The following RYR3 variants were observed in gnomAD, a reference collection of about 807,000 sequenced individuals.
The protein encoded by RYR3 is brain ryanodine receptor-calcium release channel.
Under a neutral mutation model 584.3 loss-of-function variants are expected in RYR3, and 207 were observed. The ratio of observed to expected loss-of-function variants is 0.35; its 90% CI spans 0.32 to 0.40. The LOEUF is 0.40. Among genes scored for constraint, RYR3 ranks in the 10% least tolerant of loss-of-function variants. RYR3 has a pLI of 1.00. For synonymous variants in RYR3, 2,416 were observed against 2,248.5 expected, an observed-to-expected ratio of 1.07 and a Z score of -2.11; for missense variants, 5,616 against 6,089.2, an observed-to-expected ratio of 0.92 and a Z score of 2.59.
intron 1 of RYR3, among the ~76,000 whole-genome samples, chr15:33,429,055 T>C (rs1027778744): frequency 6.6e-6 from 1 of 152,162 alleles, no homozygotes; most frequent in Non-Finnish European, 1.5e-5. Context: ...CTTTGTTTAG[T>C]GGGCGGGCAC....
In RYR3 at chr15:33,504,912, A is replaced by G. The variant is rs1162750797; in HGVS notation, c.279+1174A>G. 2.0e-5 allele frequency among the ~76,000 whole-genome samples: 3 copies of G among 152,146 alleles called. No individual in the cohort carries two copies. The East Asian group carries it at 5.8e-4, about 29-fold the overall frequency. On this transcript the variant is annotated intron_variant, in intron 3 of 103. Coordinates refer to ENST00000634891, the MANE Select transcript of RYR3 (RefSeq NM_001036.6). Reference sequence around the variant, plus strand: ...TACGTATCCTTCAAGGAACTAGTTTAGTTATTAGATGAGTTGAGAAGCCTC... The same window carrying G: ...TACGTATCCTTCAAGGAACTAGTTTGGTTATTAGATGAGTTGAGAAGCCTC...
rs947773003 is a variant in RYR3, at chr15:33,539,414, A to C, written c.498A>C (p.Arg166=). ...SKQRSEGEKV[R]IGDDLILVSV... is the part of the protein sequence containing the mutation. ...AGAGGTCCGAAGGAGAGAAAGTTCG[A>C]ATTGGCGATGACCTCATCCTCGTCA... The change falls in exon 6 of 104, where the codon CGA becomes CGC. Residue 166 remains arginine (R), a synonymous_variant. Coordinates refer to ENST00000634891, the MANE Select transcript of RYR3 (RefSeq NM_001036.6). The C allele has an allele frequency of 4.4e-6, 7 of 1,603,498 alleles. No homozygotes were observed. The highest frequency in any genetic ancestry group is 6.0e-6 in the Non-Finnish European group (7 of 1,174,672).
chr15:33,806,675 G>C (rs1038085229), intron 69 of RYR3, among the ~76,000 whole-genome samples: 1 of 152,010 alleles, frequency 6.6e-6, no homozygotes, highest in African/African-American at 2.4e-5. Flanking sequence ...GAAGGGAAAC[G>C]CTCCATCTTT....
chr15:33,539,248 T>C lies in RYR3; in HGVS notation c.434-102T>C, dbSNP rs1227856284. On this transcript the variant is annotated intron_variant, in intron 5 of 103. Transcript: ENST00000634891. ...TGAGGTCTGGAATGTGCACTTGTTGTGTGCACGTGAAGGGTTGTCCTAAGA... is the reference window on the plus strand; with the variant it reads ...TGAGGTCTGGAATGTGCACTTGTTGCGTGCACGTGAAGGGTTGTCCTAAGA... The C allele has an allele frequency of 5.7e-6, 4 of 697,520 alleles. No homozygotes were observed. The East Asian group carries it at 1.1e-4, about 19-fold the overall frequency. The allele number at this position is 697,520 out of a possible 1,614,324, so 43.2% of individuals were successfully genotyped here. A position where few individuals can be genotyped will look rare whatever the true frequency, so the allele number is the denominator to read the frequency against.
intron 67 of RYR3, among the ~76,000 whole-genome samples, chr15:33,795,750 C>T (rs1172129882): frequency 1.3e-5 from 2 of 151,954 alleles, no homozygotes; most frequent in African/African-American, 2.4e-5. Flanking sequence ...AGGCTGGTCT[C>T]GAACTCGTGA....
chr15:33,744,261 T>A (rs547905106), intron 52 of RYR3, among the ~76,000 whole-genome samples: 13 of 152,306 alleles, frequency 8.5e-5, no homozygotes, highest in African/African-American at 2.9e-4. Context: ...CATAGTACTT[T>A]CGTAGCACGC....
At chr15:33,319,041 C>G (rs542627342) in intron 1 of RYR3, among the ~76,000 whole-genome samples, 1 of 152,316 alleles carries the variant, frequency 6.6e-6, no homozygotes, top group South Asian at 2.1e-4. Context: ...AAAGCTCTTA[C>G]TGGAAGGTAA....
At chr15:33,769,244 C>A in intron 62 of RYR3, 72 bp downstream of exon 62, 1 of 1,127,612 alleles carries the variant, frequency 8.9e-7, no homozygotes, top group Non-Finnish European at 1.3e-6. Context: ...ACTAATTATA[C>A]TGAAGAGAAG....
chr15:33,480,286 TG>T (rs1354343083), intron 2 of RYR3, among the ~76,000 whole-genome samples: 1 of 152,220 alleles, frequency 6.6e-6, no homozygotes, highest in Non-Finnish European at 1.5e-5. Flanking sequence ...ATGACTTTAC[TG>T]CTCTCTGCCT....
At chr15:33,379,643 A>ATGTGTGTG (rs147989530) in intron 1 of RYR3, among the ~76,000 whole-genome samples, 1 of 133,204 alleles carries the variant, frequency 7.5e-6, no homozygotes. Flanking sequence ...ATTTATGTGT[A>ATGTGTGTG]TGTGTGTGTG....
chr15:33,400,465 G>C (rs1266072726), intron 1 of RYR3, among the ~76,000 whole-genome samples: 1 of 152,148 alleles, frequency 6.6e-6, no homozygotes, highest in Non-Finnish European at 1.5e-5. Context: ...GAGTCTTTTT[G>C]CATTCACGTG....
chr15:33,376,101 GT>G (rs766640655), intron 1 of RYR3, among the ~76,000 whole-genome samples: 27 of 152,200 alleles, frequency 1.8e-4, no homozygotes, highest in Non-Finnish European at 3.5e-4. Flanking sequence ...GTAAACCCAA[GT>G]TTCTTCTTGT....
At chr15:33,854,342 C>G (rs1469348366) in intron 96 of RYR3, 47 bp from the exon 97 acceptor site, 1 of 1,493,596 alleles carries the variant, frequency 6.7e-7, no homozygotes, top group South Asian at 1.2e-5. Flanking sequence ...GAGCACTTAA[C>G]TACCTCTTGA....
intron 15 of RYR3, among the ~76,000 whole-genome samples, chr15:33,584,999 C>T (rs1021126121): frequency 2.4e-4 from 37 of 152,060 alleles, no homozygotes; most frequent in Non-Finnish European, 4.1e-4. Flanking sequence ...TCATGACTTA[C>T]GGAGAATCTG....
intron 57 of RYR3, among the ~76,000 whole-genome samples, chr15:33,751,687 T>C (rs1280255288): frequency 6.6e-6 from 1 of 152,220 alleles, no homozygotes; most frequent in African/African-American, 2.4e-5. Context: ...GGTTGCCTGT[T>C]CACTCTGATG....
At chr15:33,584,246 AAG>A in intron 14 of RYR3, 147 bp from the exon 15 acceptor site, 1 of 544,188 alleles carries the variant, frequency 1.8e-6, no homozygotes. Flanking sequence ...AAAAAAAAGA[AAG>A]AATTGTGTCA....
intron 55 of RYR3, among the ~76,000 whole-genome samples, chr15:33,749,623 C>T (rs543620138): frequency 1.2e-4 from 18 of 152,304 alleles, no homozygotes; most frequent in Non-Finnish European, 2.4e-4. Context: ...TTGGCCCGCA[C>T]TCCCAACTCC....
chr15:33,415,349 T>G (rs1250951765), intron 1 of RYR3, among the ~76,000 whole-genome samples: 1 of 152,218 alleles, frequency 6.6e-6, no homozygotes, highest in Non-Finnish European at 1.5e-5. Context: ...TGTATACAGC[T>G]GTAAAAATTT....
chr15:33,574,548 T>C (rs1388896802), intron 12 of RYR3, among the ~76,000 whole-genome samples: 1 of 152,194 alleles, frequency 6.6e-6, no homozygotes, highest in Non-Finnish European at 1.5e-5. Context: ...CACACTGATG[T>C]GCCTCCCTGC....
Sources: allele counts gnomAD v4.1 joint callset (sites outside exome capture counted in the v4.1 genomes callset), GRCh38; gene constraint gnomAD v4.1.1; transcripts MANE v1.5; gene names NCBI Gene and HGNC (gene_info 2026-07-23, HGNC 2026-07-21).